AMPD3: variants seen among roughly 807,000 people sequenced by gnomAD.
AMPD3 encodes adenosine monophosphate deaminase 3.
In AMPD3, 57 loss-of-function variants were observed where a neutral mutation model predicts 82.3. The ratio of observed to expected loss-of-function variants is 0.69; its 90% confidence interval spans 0.56 to 0.86. The LOEUF (loss-of-function observed/expected upper bound fraction) is 0.86, where lower values mean the gene tolerates loss of function less well. AMPD3 is among the 40% of genes least tolerant of loss of function. AMPD3 has a pLI of 0.00. For synonymous variants in AMPD3, 381 were observed against 394.7 expected, an observed-to-expected ratio of 0.97 and a Z score of 0.41; for missense variants, 870 against 1,003.8, an observed-to-expected ratio of 0.87 and a Z score of 1.80.
chr11:10,507,105 T>C lies in AMPD3; in HGVS notation c.*1221T>C, dbSNP rs139597662. The C allele has an allele frequency of 2.0e-3, 309 of 152,762 alleles. 3 individuals carry two copies. The highest frequency in any genetic ancestry group is 6.5e-3 in the African/African-American group (270 of 41,574). The allele number at this position is 152,762 out of a possible 1,614,324, so 9.5% of individuals were successfully genotyped here. On this transcript the variant is annotated 3_prime_UTR_variant, in exon 15 of 15. Coordinates refer to ENST00000396553, the MANE Select transcript of AMPD3 (RefSeq NM_001025389.2). ...TGCCTGGTATGTAGTAGGTGCTCAA[T>C]AAATGCATATTGAATAACTAAGTGA...
chr11:10,455,216 G>A (rs1157710170), upstream of AMPD3: 2 of 985,246 alleles, frequency 2.0e-6, no homozygotes, highest in African/African-American at 1.7e-5. Context: ...AGGACCACAG[G>A]ATTTGCCTAA....
Position 10,456,717 on chromosome 11 carries a change from A to C in AMPD3, c.-6+1269A>C. ...AAAGGGTTGGAAGCCAGGCGTGAAC[A>C]TGCAGCTGGAGCTGAAGCTCTGCTT... On this transcript the variant is annotated intron_variant, in intron 1 of 14. Transcript: ENST00000396553. The surrounding 1 kb of genome is among the most constrained non-coding windows in gnomAD (Gnocchi z 4.3). 3.3e-6 allele frequency: 2 copies of C among 599,482 alleles called. No individual in the cohort carries two copies. The highest frequency in any genetic ancestry group is 4.2e-6 in the Non-Finnish European group (2 of 477,432). The allele number at this position is 599,482 out of a possible 1,614,324, so 37.1% of individuals were successfully genotyped here.
chr11:10,481,459 C>G (rs1343931870), intron 3 of AMPD3: 16 of 985,288 alleles, frequency 1.6e-5, no homozygotes, highest in Non-Finnish European at 1.9e-5. Flanking sequence ...TCTGGGTGTG[C>G]AGGCTGGAGC....
chr11:10,488,371 G>A (rs1358898013), intron 6 of AMPD3: 4 of 985,440 alleles, frequency 4.1e-6, no homozygotes, highest in Admixed American at 1.2e-4. Flanking sequence ...GAGTGAGTAG[G>A]AGCTTGCCAG....
chr11:10,450,909 C>T, upstream of AMPD3: 2 of 1,245,210 alleles, frequency 1.6e-6, no homozygotes, highest in Non-Finnish European at 2.0e-6. Flanking sequence ...CTGCGGGGCG[C>T]GGCCTGGCCG....
upstream of AMPD3, chr11:10,451,151 C>G (rs1472198795): frequency 6.6e-7 from 1 of 1,504,048 alleles, no homozygotes; most frequent in African/African-American, 1.4e-5. Flanking sequence ...CTTCCGCCTT[C>G]CCTGCTCGCA....
Position 10,482,238 on chromosome 11 carries a change from G to C in AMPD3, c.589+13G>C. On this transcript the variant is annotated intron_variant, in intron 4 of 14. Coordinates refer to ENST00000396553, the MANE Select transcript of AMPD3 (RefSeq NM_001025389.2). ...GAGGGCCTTCCAGGTATGGAGCTCTGGCTGGAGGTTGGGTCCCAAGTGTGG... is the reference window on the plus strand; with the variant it reads ...GAGGGCCTTCCAGGTATGGAGCTCTCGCTGGAGGTTGGGTCCCAAGTGTGG... The C allele has an allele frequency of 1.2e-6, 2 of 1,610,562 alleles. No individual in the cohort carries two copies. Among genetic ancestry groups the C allele is most frequent in the South Asian group, 1.1e-5 (1 of 90,954 alleles).
At chr11:10,473,547 C>T (rs117096038) in intron 2 of AMPD3, 3 of 985,342 alleles carry the variant, frequency 3.0e-6, no homozygotes, top group East Asian at 2.3e-4. Context: ...AGTTTTCACA[C>T]CTGATTGGCT....
intron 2 of AMPD3, among the ~76,000 whole-genome samples, chr11:10,475,985 C>T (rs1270546796): frequency 3.3e-5 from 5 of 152,188 alleles, no homozygotes; most frequent in Non-Finnish European, 7.3e-5. Context: ...TCTTGATACC[C>T]TGAGCATAGA....
At chr11:10,501,268 G>C in intron 11 of AMPD3, 1 of 985,372 alleles carries the variant, frequency 1.0e-6, no homozygotes, top group South Asian at 4.7e-5. Context: ...TCTGCCCGTA[G>C]AGGTGATGCT....
At chr11:10,478,010 T>C (rs1372097388) in intron 2 of AMPD3, 2 of 985,450 alleles carry the variant, frequency 2.0e-6, no homozygotes, top group South Asian at 9.4e-5. Flanking sequence ...CTCTCTCTTC[T>C]GGCTCCAATG....
At chr11:10,501,445 G>A (rs1312041324) in intron 11 of AMPD3, 25 bp from the exon 12 acceptor site, 1 of 1,611,544 alleles carries the variant, frequency 6.2e-7, no homozygotes. Context: ...GGGCCTTCCT[G>A]ATTCGGAAAC....
Position 10,505,893 on chromosome 11 carries a change from T to G in AMPD3, c.*9T>G. 1.2e-6 allele frequency: 2 copies of G among 1,614,102 alleles called. No homozygotes were observed. Among genetic ancestry groups the G allele is most frequent in the Non-Finnish European group, 1.7e-6 (2 of 1,180,026 alleles). On this transcript the variant is annotated 3_prime_UTR_variant, in exon 15 of 15. Transcript: ENST00000396553. ...CCGCCTTGACCAACTAGGTCCAGCA[T>G]TTGACATGCATTTTAACTTTTTGGT...
chr11:10,451,146 G>T, upstream of AMPD3: 1 of 1,505,586 alleles, frequency 6.6e-7, no homozygotes, highest in Non-Finnish European at 8.8e-7. Flanking sequence ...CGCGGCTTCC[G>T]CCTTCCCTGC....
chr11:10,478,352 A>G (rs997661198), intron 2 of AMPD3, 174 bp from the exon 3 acceptor site: 24 of 984,786 alleles, frequency 2.4e-5, no homozygotes, highest in Middle Eastern at 1.0e-3. Context: ...GTTCTATCTC[A>G]GGCAGACATG....
chr11:10,490,523 T>A, intron 6 of AMPD3: 1 of 985,426 alleles, frequency 1.0e-6, no homozygotes, highest in Non-Finnish European at 1.2e-6. Context: ...AGGTCTTAGG[T>A]GAACACGGGG....
chr11:10,503,829 C>A, intron 13 of AMPD3: 1 of 302,062 alleles, frequency 3.3e-6, no homozygotes, highest in Non-Finnish European at 4.9e-6. Flanking sequence ...GAAATCTTGC[C>A]TCATGAAAAT....
upstream of AMPD3, chr11:10,450,579 G>A: frequency 1.0e-6 from 1 of 987,782 alleles, no homozygotes; most frequent in Non-Finnish European, 1.2e-6. Flanking sequence ...TTGAGGTCTG[G>A]GGAGCCCGGC....
Position 10,494,889 on chromosome 11 carries a change from C to T in AMPD3, c.1135-10C>T. 1.2e-6 allele frequency: 2 copies of T among 1,611,320 alleles called. No individual in the cohort carries two copies. The highest frequency in any genetic ancestry group is 2.7e-5 in the African/African-American group (2 of 74,938). On this transcript the variant is annotated splice_polypyrimidine_tract_variant and intron_variant, in intron 7 of 14. Transcript: ENST00000396553. ...AACGATGCGTTGATTGGTGTGGTCTCCCCCCTCAGGGCCGGCAGACATTCC... is the reference window on the plus strand; with the variant it reads ...AACGATGCGTTGATTGGTGTGGTCTTCCCCCTCAGGGCCGGCAGACATTCC...
Sources: allele counts gnomAD v4.1 joint callset (sites outside exome capture counted in the v4.1 genomes callset), GRCh38; gene constraint gnomAD v4.1.1; non-coding constraint Gnocchi (gnomAD v3.1); transcripts MANE v1.5; gene names NCBI Gene and HGNC (gene_info 2026-07-23, HGNC 2026-07-21).